TSHZ3: variants seen among roughly 807,000 people sequenced by gnomAD.
TSHZ3 encodes teashirt homolog 3.
In TSHZ3, 10 loss-of-function variants were observed where a neutral mutation model predicts 64.5. That is an observed-to-expected ratio of 0.16 (90% CI 0.10 to 0.26). The LOEUF is 0.26. TSHZ3 is among the 10% of genes least tolerant of loss of function. The pLI, the probability that TSHZ3 is intolerant of heterozygous loss-of-function variation, is 1.00. For missense variants in TSHZ3, 1,242 were observed against 1,421.7 expected, an observed-to-expected ratio of 0.87 and a Z score of 2.03; for synonymous variants, 608 against 593.1, an observed-to-expected ratio of 1.03 and a Z score of -0.36.
Position 31,279,315 on chromosome 19 carries a change from AGCTGCTGCTGCTGCTACTGCT to A in TSHZ3, c.457_477del (p.Ser153_Ser159del). ...TGCCAGTCGAAGCTCCCGCTGCCAC[AGCTGCTGCTGCTGCTACTGCT>A]GCTGCTGCTGCTGCCGTTGTTCTTC... On this transcript the variant is annotated inframe_deletion, in exon 2 of 2. Transcript: ENST00000240587. This position sits in a 1 kb window ranked among gnomAD's most constrained non-coding sequence, Gnocchi z 6.4. 1.2e-6 allele frequency: 2 copies of A among 1,613,676 alleles called. No homozygotes were observed. The highest frequency in any genetic ancestry group is 1.7e-6 in the Non-Finnish European group (2 of 1,179,758).
intron 3 of TSHZ3, among the ~76,000 whole-genome samples, chr19:31,237,035 G>A (rs1023080245): frequency 9.2e-5 from 13 of 141,372 alleles, no homozygotes; most frequent in Non-Finnish European, 1.7e-4. Flanking sequence ...TCTAATCCCA[G>A]CTACTTGGGA....
chr19:31,223,114 T>C (rs958923233), intron 4 of TSHZ3, among the ~76,000 whole-genome samples: 3 of 152,178 alleles, frequency 2.0e-5, no homozygotes, highest in Non-Finnish European at 4.4e-5. Context: ...AAGCCCTGTT[T>C]CTCTTGGACA....
At chr19:31,160,161 G>T (rs1221839496) in intron 5 of TSHZ3, among the ~76,000 whole-genome samples, 1 of 152,020 alleles carries the variant, frequency 6.6e-6, no homozygotes, top group African/African-American at 2.4e-5. Context: ...TTTATGTATT[G>T]CAAGTAAAGT....
intron 3 of TSHZ3, among the ~76,000 whole-genome samples, chr19:31,229,932 G>A (rs957273558): frequency 1.3e-5 from 2 of 152,130 alleles, no homozygotes; most frequent in Non-Finnish European, 1.5e-5. Context: ...GGGAAAATGG[G>A]CACCCACAGA....
At chr19:31,324,100 G>A (rs373544395) in intron 1 of TSHZ3, among the ~76,000 whole-genome samples, 46 of 152,258 alleles carry the variant, frequency 3.0e-4, no homozygotes, top group African/African-American at 1.0e-3. Context: ...ACATCAACTT[G>A]CACAGCCAAG....
At chr19:31,180,859 C>G (rs149739063) in intron 5 of TSHZ3, among the ~76,000 whole-genome samples, 13 of 152,164 alleles carry the variant, frequency 8.5e-5, no homozygotes, top group Non-Finnish European at 1.5e-5. Flanking sequence ...CACGCTGGGG[C>G]AGGCATGTAA....
At chr19:31,344,579 T>C (rs1917528087) in intron 1 of TSHZ3, among the ~76,000 whole-genome samples, 1 of 152,196 alleles carries the variant, frequency 6.6e-6, no homozygotes, top group Admixed American at 6.5e-5. Context: ...CTTTCCTCTC[T>C]GCCTCCCCGC....
intron 1 of TSHZ3, among the ~76,000 whole-genome samples, chr19:31,324,060 C>T (rs1377208092): frequency 6.6e-6 from 1 of 152,172 alleles, no homozygotes; most frequent in African/African-American, 2.4e-5. Context: ...GTCTCCGCAG[C>T]ACCCAATTTG....
chr19:31,173,474 A>G (rs1974564569), intron 5 of TSHZ3, among the ~76,000 whole-genome samples: 1 of 152,228 alleles, frequency 6.6e-6, no homozygotes, highest in South Asian at 2.1e-4. Flanking sequence ...CATTAAGAAT[A>G]TGTCATCTAT....
At chr19:31,296,800 C>T (rs1976669248) in intron 1 of TSHZ3, among the ~76,000 whole-genome samples, 1 of 152,180 alleles carries the variant, frequency 6.6e-6, no homozygotes, top group African/African-American at 2.4e-5. Flanking sequence ...AGAGTGGGTT[C>T]TGGCACTGGG....
intron 4 of TSHZ3, among the ~76,000 whole-genome samples, chr19:31,214,251 C>A (rs1326387775): frequency 6.6e-6 from 1 of 152,182 alleles, no homozygotes; most frequent in Non-Finnish European, 1.5e-5. Flanking sequence ...TGGGTCCCAG[C>A]CGCAGGGTAA....
chr19:31,301,274 G>T lies in TSHZ3; in HGVS notation c.41-21522C>A, dbSNP rs779451971. ...GTCTCCCTCTCAGGGCAGATGACAG[G>T]GCCCTCTCTCATCCCAAACACCTTC... On this transcript the variant is annotated intron_variant, in intron 1 of 1. Coordinates refer to ENST00000240587, the MANE Select transcript of TSHZ3 (RefSeq NM_020856.4). Among the ~76,000 whole-genome samples, 102 of 151,956 alleles carry T rather than the reference G, an allele frequency of 6.7e-4. 1 individual carries two copies. The highest frequency in any genetic ancestry group is 1.3e-3 in the Non-Finnish European group (91 of 68,014).
intron 4 of TSHZ3, among the ~76,000 whole-genome samples, chr19:31,224,304 C>CA (rs1568352848): frequency 6.6e-6 from 1 of 152,196 alleles, no homozygotes; most frequent in African/African-American, 2.4e-5. Flanking sequence ...GAGTTATAGT[C>CA]AACCATGGTT....
chr19:31,215,459 T>C (rs546803101), intron 4 of TSHZ3, among the ~76,000 whole-genome samples: 1 of 152,234 alleles, frequency 6.6e-6, no homozygotes, highest in Non-Finnish European at 1.5e-5. Context: ...ACAAGAAATA[T>C]CAGAAATAGG....
intron 1 of TSHZ3, among the ~76,000 whole-genome samples, chr19:31,288,037 C>T (rs1393619862): frequency 2.0e-5 from 3 of 152,106 alleles, no homozygotes; most frequent in African/African-American, 7.2e-5. Context: ...TGGACTCAGG[C>T]CATCCTCCCA....
chr19:31,301,313 C>T (rs577316978), intron 1 of TSHZ3, among the ~76,000 whole-genome samples: 4 of 152,300 alleles, frequency 2.6e-5, no homozygotes, highest in South Asian at 2.1e-4. Flanking sequence ...GCCCAGTGAA[C>T]AGCAGCATTG....
At chr19:31,283,436 T>C (rs1265412646) in intron 1 of TSHZ3, among the ~76,000 whole-genome samples, 1 of 152,186 alleles carries the variant, frequency 6.6e-6, no homozygotes, top group African/African-American at 2.4e-5. Context: ...TACTGAACTT[T>C]AAAAATGTTC....
intron 5 of TSHZ3, among the ~76,000 whole-genome samples, chr19:31,193,525 G>A (rs10411730): frequency 0.63 from 95,910 of 151,968 alleles, 30,503 homozygotes; most frequent in Middle Eastern, 0.72. Context: ...GGTAGACAAC[G>A]TGGCACCTAA....
intron 1 of TSHZ3, among the ~76,000 whole-genome samples, chr19:31,285,990 C>T (rs1259496890): frequency 6.6e-6 from 1 of 152,054 alleles, no homozygotes; most frequent in African/African-American, 2.4e-5. Context: ...CAAAGAAGCA[C>T]ACAGAAGTGA....
Sources: gnomAD v4.1 joint callset for allele counts (sites outside exome capture counted in the v4.1 genomes callset) on GRCh38, gnomAD v4.1.1 for gene constraint, Gnocchi (gnomAD v3.1) non-coding constraint, MANE v1.5 for transcripts, NCBI Gene and HGNC (gene_info 2026-07-23, HGNC 2026-07-21) for gene names.